Variants in ZFYVE26 observed in about 807,000 individuals in gnomAD.
ZFYVE26 encodes the protein zinc finger FYVE-type containing 26.
Under a neutral mutation model 276.5 loss-of-function variants are expected in ZFYVE26, and 181 were observed. The observed-to-expected ratio is 0.65, with a 90% confidence interval of 0.58 to 0.74. The LOEUF (loss-of-function observed/expected upper bound fraction) is 0.74. Ranked by LOEUF, ZFYVE26 falls within the 30% of genes least tolerant of loss-of-function variation. The pLI, the probability that ZFYVE26 is intolerant of heterozygous loss-of-function variation, is 0.00. For missense variants in ZFYVE26, 2,821 were observed against 3,097.9 expected, an observed-to-expected ratio of 0.91 and a Z score of 2.12; for synonymous variants, 1,129 against 1,203.1, an observed-to-expected ratio of 0.94 and a Z score of 1.27.
chr14:67,739,858 A>G (rs1296141771), intron 13 of ZFYVE26, among the ~76,000 whole-genome samples: 1 of 152,238 alleles, frequency 6.6e-6, no homozygotes, highest in Non-Finnish European at 1.5e-5. Flanking sequence ...GAAAATCTCA[A>G]GAGAGGAGGT....
At chr14:67,774,950 C>G (rs1051157039) in intron 27 of ZFYVE26, 66 bp downstream of exon 27, 15 of 968,190 alleles carry the variant, frequency 1.5e-5, no homozygotes, top group Non-Finnish European at 2.2e-5. Context: ...AAAAAAAATT[C>G]TGAAGGATAG....
At chr14:67,746,056 T>C (rs1456830365), downstream of ZFYVE26, among the ~76,000 whole-genome samples, 2 of 150,146 alleles carry the variant, frequency 1.3e-5, no homozygotes. Context: ...TGCAGCATAA[T>C]CTGTAGTGGC....
At chr14:67,816,325 A>AC (rs536250441) in intron 1 of ZFYVE26, among the ~76,000 whole-genome samples, 444 of 152,142 alleles carry the variant, frequency 2.9e-3, no homozygotes, top group African/African-American at 0.01. Context: ...CCCAGTCTTG[A>AC]CTCCAAATCC....
intron 41 of ZFYVE26, chr14:67,750,638 T>G: frequency 4.3e-6 from 1 of 233,500 alleles, no homozygotes; most frequent in Non-Finnish European, 8.6e-6. Flanking sequence ...AAGTGTGGGG[T>G]GGGGATTTTT....
At chr14:67,745,327 T>C (rs1406498907), downstream of ZFYVE26, among the ~76,000 whole-genome samples, 2 of 152,194 alleles carry the variant, frequency 1.3e-5, no homozygotes, top group Non-Finnish European at 2.9e-5. Context: ...GATGGATAGA[T>C]TTAAAAAAAT....
chr14:67,743,065 T>C (rs2038435548), downstream of ZFYVE26, among the ~76,000 whole-genome samples: 1 of 151,938 alleles, frequency 6.6e-6, no homozygotes, highest in African/African-American at 2.4e-5. Context: ...CTCGAACTCC[T>C]GGGCTCAAGT....
At chr14:67,785,648 C>G (rs1203535983) in intron 18 of ZFYVE26, among the ~76,000 whole-genome samples, 1 of 152,170 alleles carries the variant, frequency 6.6e-6, no homozygotes, top group African/African-American at 2.4e-5. Context: ...AATGTATCAG[C>G]TGATGGAGTG....
intron 13 of ZFYVE26, among the ~76,000 whole-genome samples, chr14:67,731,371 C>T (rs964382550): frequency 4.6e-5 from 7 of 151,754 alleles, no homozygotes; most frequent in Admixed American, 6.6e-5. Flanking sequence ...CATGCCACGA[C>T]GCCCAGCTAG....
chr14:67,798,080 G>A lies in ZFYVE26; in HGVS notation c.2182C>T (p.Arg728Ter), dbSNP rs981804211. The stretch of plus-strand genomic sequence containing the variant: ...GCCTCAGAGACAACCTTGGAAAGTC[G>A]ATGCAGGCGGCTCTGCAGTCCATCT... ...SRDGLQSRLH[R>*]LSKVVSEAQW... The change falls in exon 11 of 42, where the codon CGA (arginine) becomes TGA (stop). Residue 728 changes from arginine to a stop codon, truncating the protein, a stop_gained. Coordinates refer to ENST00000347230, the MANE Select transcript of ZFYVE26 (RefSeq NM_015346.4). LOFTEE classifies it high-confidence loss of function. The A allele has an allele frequency of 5.6e-6, 9 of 1,613,996 alleles. No individual in the cohort carries two copies. The highest frequency in any genetic ancestry group is 1.3e-5 in the African/African-American group (1 of 74,876).
At chr14:67,766,559 C>A (rs2039065201) in intron 31 of ZFYVE26, 112 bp from the exon 32 acceptor site, 1 of 1,012,206 alleles carries the variant, frequency 9.9e-7, no homozygotes, top group African/African-American at 1.6e-5. Context: ...GCTGAAAGAC[C>A]CTGGAAGAAG....
intron 41 of ZFYVE26, among the ~76,000 whole-genome samples, chr14:67,748,901 G>C (rs1187709597): frequency 6.6e-6 from 1 of 152,186 alleles, no homozygotes; most frequent in South Asian, 2.1e-4. Context: ...AGGCAGTTTG[G>C]TCTCTGTCCA....
chr14:67,796,069 T>C (rs796756641), intron 12 of ZFYVE26, among the ~76,000 whole-genome samples: 1 of 151,990 alleles, frequency 6.6e-6, no homozygotes, highest in Admixed American at 6.6e-5. Flanking sequence ...GAACTATAAA[T>C]AATAGGAGGG....
chr14:67,731,358 G>A (rs2038272658), intron 13 of ZFYVE26, among the ~76,000 whole-genome samples: 1 of 151,788 alleles, frequency 6.6e-6, no homozygotes, highest in African/African-American at 2.4e-5. Context: ...GGGATTACAG[G>A]TGCATGCCAC....
intron 27 of ZFYVE26, among the ~76,000 whole-genome samples, chr14:67,772,438 T>C (rs2039236807): frequency 6.6e-6 from 1 of 152,226 alleles, no homozygotes; most frequent in South Asian, 2.1e-4. Flanking sequence ...TAAAAAATAT[T>C]AAGCCTGAAT....
downstream of ZFYVE26, among the ~76,000 whole-genome samples, chr14:67,746,290 C>T (rs1201963927): frequency 8.2e-6 from 1 of 121,404 alleles, no homozygotes; most frequent in East Asian, 2.5e-4. Flanking sequence ...TACCCATCCC[C>T]CAACTGAAGC....
rs767164213 is a variant in ZFYVE26 at position 67,786,112 on chromosome 14, A to C, written c.3139+2T>G. On this transcript the variant is annotated splice_donor_variant, in intron 17 of 41. Coordinates refer to ENST00000347230, the MANE Select transcript of ZFYVE26 (RefSeq NM_015346.4). LOFTEE classifies it high-confidence loss of function. The stretch of plus-strand genomic sequence containing the variant: ...AGAAGAAAAGAGAAAAAAGCAACTC[A>C]CCTGATTTGGTTTGACTGGCTGACA... 1.9e-6 allele frequency: 3 copies of C among 1,614,100 alleles called. No homozygotes were observed. In the East Asian group the frequency reaches 6.7e-5, roughly 36 times the overall value.
chr14:67,755,871 C>T (rs1056965017), intron 36 of ZFYVE26, 77 bp downstream of exon 36: 9 of 1,560,568 alleles, frequency 5.8e-6, no homozygotes, highest in Non-Finnish European at 1.8e-6. Context: ...CAGTCTCATT[C>T]CCTCATCGTG....
intron 10 of ZFYVE26, among the ~76,000 whole-genome samples, chr14:67,800,313 T>C (rs2040050455): frequency 6.6e-6 from 1 of 152,182 alleles, no homozygotes; most frequent in South Asian, 2.1e-4. Flanking sequence ...CTGGTTTCCC[T>C]AGCATAAAGA....
chr14:67,776,809 G>A (rs1351678445), intron 25 of ZFYVE26, among the ~76,000 whole-genome samples: 1 of 152,166 alleles, frequency 6.6e-6, no homozygotes, highest in Admixed American at 6.5e-5. Flanking sequence ...TAAGGAACAT[G>A]TTATGTAGTT....
Sources: allele counts gnomAD v4.1 joint callset (sites outside exome capture counted in the v4.1 genomes callset), GRCh38; gene constraint gnomAD v4.1.1; transcripts MANE v1.5; gene names NCBI Gene and HGNC (gene_info 2026-07-23, HGNC 2026-07-21).